The following ARNT2 variants were observed in gnomAD, a reference collection of about 807,000 sequenced individuals.
The protein encoded by ARNT2 is ARNT protein 2.
Under a neutral mutation model 91.7 loss-of-function variants are expected in ARNT2, and 36 were observed. The observed-to-expected ratio is 0.39, with a 90% CI of 0.30 to 0.52. The LOEUF (loss-of-function observed/expected upper bound fraction) is 0.52. Ranked by LOEUF, ARNT2 falls within the 20% of genes least tolerant of loss-of-function variation. The probability of loss-of-function intolerance (pLI) is 0.72; values close to 1 mark genes in which losing one functional copy is unlikely to be tolerated. For synonymous variants in ARNT2, 365 were observed against 347.1 expected, an observed-to-expected ratio of 1.05 and a Z score of -0.57; for missense variants, 775 against 939.3, an observed-to-expected ratio of 0.83 and a Z score of 2.29.
chr15:80,474,994 A>G lies in ARNT2; in HGVS notation c.409-16A>G, dbSNP rs770619103. 1 of 1,613,342 alleles carries G rather than the reference A, an allele frequency of 6.2e-7. No individual in the cohort carries two copies. The highest frequency in any genetic ancestry group is 1.3e-5 in the African/African-American group (1 of 75,036). ...TCTGTCAGTGTATTGTGCCAATCAT[A>G]ATCTTTTCTTTATAGGAACTGAAGC... On this transcript the variant is annotated splice_polypyrimidine_tract_variant and intron_variant, in intron 4 of 18. Transcript: ENST00000303329.
At chr15:80,437,355 C>T (rs1595961420) in intron 1 of ARNT2, among the ~76,000 whole-genome samples, 3 of 152,322 alleles carry the variant, frequency 2.0e-5, no homozygotes, top group Admixed American at 2.0e-4. Context: ...CACTCCATCT[C>T]TCTTATCCCA....
chr15:80,493,460 G>A (rs752354497), intron 5 of ARNT2, among the ~76,000 whole-genome samples: 1 of 152,204 alleles, frequency 6.6e-6, no homozygotes, highest in Non-Finnish European at 1.5e-5. Context: ...CCTGAAGTTA[G>A]TAGGGCCATG....
At chr15:80,416,175 A>G (rs550712843) in intron 1 of ARNT2, among the ~76,000 whole-genome samples, 1 of 152,246 alleles carries the variant, frequency 6.6e-6, no homozygotes, top group Admixed American at 6.5e-5. Context: ...GTAATGTTTT[A>G]TGTTGAACTT....
rs776626641 is a variant in ARNT2, at chr15:80,575,150, T to C, written c.1513+40T>C. 4 of 1,604,262 alleles carry C rather than the reference T, an allele frequency of 2.5e-6. No individual in the cohort carries two copies. The South Asian group carries it at 3.3e-5, about 13-fold the overall frequency. Reference sequence around the variant, plus strand: ...GGTACTGAGGTTTTGAGAGTGTGGGTTTACAGTTGCTTTCAGGCCATCTAC... The same window carrying C: ...GGTACTGAGGTTTTGAGAGTGTGGGCTTACAGTTGCTTTCAGGCCATCTAC... On this transcript the variant is annotated intron_variant, in intron 14 of 18. Transcript: ENST00000303329.
At chr15:80,513,032 C>G (rs949602817) in intron 6 of ARNT2, among the ~76,000 whole-genome samples, 8 of 152,236 alleles carry the variant, frequency 5.3e-5, no homozygotes, top group Non-Finnish European at 7.3e-5. Context: ...CTGTGAAGAC[C>G]ACACTAGTGC....
intron 17 of ARNT2, among the ~76,000 whole-genome samples, chr15:80,589,347 G>A (rs55850665): frequency 0.072 from 10,923 of 151,958 alleles, 1,194 homozygotes; most frequent in African/African-American, 0.24. Flanking sequence ...AGAAGATGCT[G>A]TGGGGTGGGG....
chr15:80,407,219 T>A (rs545641010), intron 1 of ARNT2, among the ~76,000 whole-genome samples: 1 of 152,268 alleles, frequency 6.6e-6, no homozygotes, highest in East Asian at 1.9e-4. Flanking sequence ...GCCAGTCACC[T>A]CCCCACGCCC....
At chr15:80,584,226 A>T (rs1898851016) in intron 17 of ARNT2, among the ~76,000 whole-genome samples, 1 of 152,194 alleles carries the variant, frequency 6.6e-6, no homozygotes. Context: ...CTCCCAGTGC[A>T]GGCAGAGGGG....
chr15:80,589,292 C>A lies in ARNT2; in HGVS notation c.1919-2276C>A, dbSNP rs1394320437. ...CTCTTCAAATGCCTATTGGATGGGG[C>A]CTGGCAGTAGAGTAATTGCACAGGG... On this transcript the variant is annotated intron_variant, in intron 17 of 18. Coordinates refer to ENST00000303329, the MANE Select transcript of ARNT2 (RefSeq NM_014862.4). Among the ~76,000 whole-genome samples the A allele has an allele frequency of 5.3e-5, 8 of 151,860 alleles. No homozygotes were observed. In the East Asian group the frequency reaches 1.5e-3, roughly 29 times the overall value.
At chr15:80,564,269 G>A (rs1596016659) in intron 12 of ARNT2, among the ~76,000 whole-genome samples, 1 of 152,032 alleles carries the variant, frequency 6.6e-6, no homozygotes, top group Non-Finnish European at 1.5e-5. Context: ...TCCCTTCTCG[G>A]TAGCCTCCCT....
At chr15:80,561,906 C>T (rs548055093) in intron 11 of ARNT2, among the ~76,000 whole-genome samples, 1 of 152,258 alleles carries the variant, frequency 6.6e-6, no homozygotes, top group Non-Finnish European at 1.5e-5. Context: ...TGCTGTTAAT[C>T]TCTTACTGTT....
chr15:80,526,322 C>T (rs538879207), intron 8 of ARNT2, among the ~76,000 whole-genome samples: 1 of 152,290 alleles, frequency 6.6e-6, no homozygotes, highest in East Asian at 1.9e-4. Context: ...CTGCGTTTTC[C>T]ATTTTGTGGG....
rs573736518 is a variant in ARNT2 at position 80,463,471 on chromosome 15, TGGGTTAGGGTTA to T, written c.194+5515_194+5526del. The stretch of plus-strand genomic sequence containing the variant: ...TTATGAGCAACTAAAGTTGCTTCAG[TGGGTTAGGGTTA>T]GGGTTAGGGTTAGGGTTAGCACACA... On this transcript the variant is annotated intron_variant, in intron 3 of 18. Coordinates refer to ENST00000303329, the MANE Select transcript of ARNT2 (RefSeq NM_014862.4). Among the ~76,000 whole-genome samples, 11 of 151,962 alleles carry T rather than the reference TGGGTTAGGGTTA, an allele frequency of 7.2e-5. No individual in the cohort carries two copies. The East Asian group carries it at 9.7e-4, about 13-fold the overall frequency.
In ARNT2 at chr15:80,470,312, G is replaced by T. The variant is rs1566981295; in HGVS notation, c.289G>T (p.Ala97Ser). ...SDMVPTCSAL[A>S]RKPDKLTILR... ...CATGGTCCCCACATGCAGCGCACTGGCTCGGAAGCCAGACAAGCTCACCAT... is the reference window on the plus strand; with the variant it reads ...CATGGTCCCCACATGCAGCGCACTGTCTCGGAAGCCAGACAAGCTCACCAT... Residue 97 changes from alanine (A) to serine (S), a missense_variant, in exon 4 of 19, where the codon GCT (alanine) becomes TCT (serine). Ala to Ser is a moderately conservative substitution (Grantham distance 99). Coordinates refer to ENST00000303329, the MANE Select transcript of ARNT2 (RefSeq NM_014862.4). The T allele has an allele frequency of 6.2e-7, 1 of 1,614,158 alleles. No homozygotes were observed. The highest frequency in any genetic ancestry group is 8.5e-7 in the Non-Finnish European group (1 of 1,180,032).
intron 1 of ARNT2, among the ~76,000 whole-genome samples, chr15:80,423,285 C>T (rs1895886032): frequency 6.6e-6 from 1 of 152,218 alleles, no homozygotes; most frequent in African/African-American, 2.4e-5. Flanking sequence ...CATCCTAGAC[C>T]TGAGGATCAT....
At chr15:80,460,898 G>A (rs1896542793) in intron 3 of ARNT2, among the ~76,000 whole-genome samples, 1 of 152,164 alleles carries the variant, frequency 6.6e-6, no homozygotes, top group Admixed American at 6.5e-5. Context: ...AGGAGGAGGA[G>A]AGAGCTCTGC....
chr15:80,482,557 A>G (rs1595981626), intron 5 of ARNT2, among the ~76,000 whole-genome samples: 1 of 152,184 alleles, frequency 6.6e-6, no homozygotes, highest in East Asian at 1.9e-4. Context: ...AAAGAAGCTT[A>G]TTGCCTTTGG....
chr15:80,565,249 G>A (rs141295340), intron 12 of ARNT2, among the ~76,000 whole-genome samples: 1,645 of 152,258 alleles, frequency 0.011, 14 homozygotes, highest in South Asian at 0.037. Context: ...TCAGCCCACC[G>A]TTGATGGGCA....
At chr15:80,532,792 T>C (rs1267989999) in intron 8 of ARNT2, among the ~76,000 whole-genome samples, 2 of 152,260 alleles carry the variant, frequency 1.3e-5, no homozygotes, top group African/African-American at 2.4e-5. Flanking sequence ...GAGTATTCAC[T>C]AGAATCATTT....
Sources: gnomAD v4.1 joint callset for allele counts (sites outside exome capture counted in the v4.1 genomes callset) on GRCh38, gnomAD v4.1.1 for gene constraint, MANE v1.5 for transcripts, NCBI Gene and HGNC (gene_info 2026-07-23, HGNC 2026-07-21) for gene names.